The following UBE2G1 variants were observed in gnomAD, a reference collection of about 807,000 sequenced individuals.
The protein encoded by UBE2G1 is ubiquitin-conjugating enzyme E2 G1.
UBE2G1 carries 5 observed loss-of-function variants against 22.7 expected under a neutral mutation model. That is an observed-to-expected ratio of 0.22 (90% CI 0.12 to 0.46). The LOEUF (loss-of-function observed/expected upper bound fraction) is 0.46, where lower values mean the gene tolerates loss of function less well. Ranked by LOEUF, UBE2G1 falls within the 20% of genes least tolerant of loss-of-function variation. UBE2G1 has a pLI of 0.99. For missense variants in UBE2G1, 88 were observed against 203.9 expected, an observed-to-expected ratio of 0.43 and a Z score of 3.46; for synonymous variants, 74 against 67.5, an observed-to-expected ratio of 1.10 and a Z score of -0.47.
At chr17:4,337,485 T>A (rs1969662655) in intron 1 of UBE2G1, among the ~76,000 whole-genome samples, 1 of 151,482 alleles carries the variant, frequency 6.6e-6, no homozygotes, top group South Asian at 2.1e-4. Flanking sequence ...AAACCCTGAC[T>A]CTACTAAAAA....
At chr17:4,363,901 G>A (rs1180623468) in intron 1 of UBE2G1, among the ~76,000 whole-genome samples, 1 of 137,116 alleles carries the variant, frequency 7.3e-6, no homozygotes, top group African/African-American at 2.8e-5. Flanking sequence ...GCAGTGAGCC[G>A]AGATTGCGCC....
At position 4,335,467 on chromosome 17, in the gene UBE2G1, A is replaced by G. The variant is rs535878298; in HGVS notation, c.47-28344T>C. On this transcript the variant is annotated intron_variant, in intron 1 of 5. Coordinates refer to ENST00000396981, the MANE Select transcript of UBE2G1 (RefSeq NM_003342.5). ...AAATTCTGTAACCAGCCAAAACATCACGTTGCTTGTGAAAGCCACTAACAG... is the reference window on the plus strand; with the variant it reads ...AAATTCTGTAACCAGCCAAAACATCGCGTTGCTTGTGAAAGCCACTAACAG... 8 of 152,348 alleles carry G rather than the reference A, an allele frequency of 5.3e-5. No individual in the cohort carries two copies. The South Asian group carries it at 1.7e-3, about 32-fold the overall frequency. 9.4% of individuals were successfully genotyped at this position (152,348 alleles called of 1,614,324 possible). A position where few individuals can be genotyped will look rare whatever the true frequency, so the allele number is the denominator to read the frequency against.
intron 1 of UBE2G1, among the ~76,000 whole-genome samples, chr17:4,347,306 T>G (rs895673148): frequency 6.6e-6 from 1 of 152,028 alleles, no homozygotes; most frequent in Admixed American, 6.6e-5. Flanking sequence ...CAAAATTTAT[T>G]TATGTTTCAT....
chr17:4,358,734 C>T (rs1228876096), intron 1 of UBE2G1, among the ~76,000 whole-genome samples: 1 of 152,082 alleles, frequency 6.6e-6, no homozygotes, highest in Non-Finnish European at 1.5e-5. Context: ...GGTGGATCAC[C>T]TGAGGTCAGG....
chr17:4,300,640 G>A (rs4790607), intron 2 of UBE2G1, among the ~76,000 whole-genome samples: 145,090 of 152,180 alleles, frequency 0.95, 69,591 homozygotes, highest in East Asian at 1. Flanking sequence ...CATCACAGAT[G>A]CTATAGTATA....
chr17:4,361,868 C>T (rs959902260), intron 1 of UBE2G1, among the ~76,000 whole-genome samples: 1 of 148,124 alleles, frequency 6.8e-6, no homozygotes, highest in Non-Finnish European at 1.5e-5. Context: ...CTTGAACCCG[C>T]GAGGCGGAGG....
chr17:4,346,014 T>C (rs1191531731), intron 1 of UBE2G1, among the ~76,000 whole-genome samples: 1 of 152,270 alleles, frequency 6.6e-6, no homozygotes, highest in South Asian at 2.1e-4. Context: ...GGATTACTAA[T>C]AGGATTCTAG....
At chr17:4,307,248 C>T in intron 1 of UBE2G1, 125 bp from the exon 2 acceptor site, 2 of 789,966 alleles carry the variant, frequency 2.5e-6, no homozygotes, top group Non-Finnish European at 4.0e-6. Context: ...TATACCTTGC[C>T]AGGCAAAATG....
intron 1 of UBE2G1, among the ~76,000 whole-genome samples, chr17:4,327,102 C>G (rs1969511353): frequency 6.6e-6 from 1 of 152,022 alleles, no homozygotes; most frequent in South Asian, 2.1e-4. Context: ...TCGAGGCCAG[C>G]CTGACCAACA....
chr17:4,308,019 A>T (rs1969267061), intron 1 of UBE2G1, among the ~76,000 whole-genome samples: 1 of 152,168 alleles, frequency 6.6e-6, no homozygotes, highest in Non-Finnish European at 1.5e-5. Context: ...AAACAACTTT[A>T]ATGAGGTATA....
At chr17:4,358,149 G>A (rs1969928300) in intron 1 of UBE2G1, among the ~76,000 whole-genome samples, 1 of 152,158 alleles carries the variant, frequency 6.6e-6, no homozygotes, top group South Asian at 2.1e-4. Context: ...TAACAGGTAA[G>A]TAGTGATATC....
intron 1 of UBE2G1, among the ~76,000 whole-genome samples, chr17:4,313,317 T>C (rs1969332396): frequency 6.6e-6 from 1 of 152,140 alleles, no homozygotes; most frequent in South Asian, 2.1e-4. Context: ...GAAAGAATAT[T>C]TGCAAAATAG....
At chr17:4,343,967 C>G (rs977154459) in intron 1 of UBE2G1, among the ~76,000 whole-genome samples, 3 of 152,058 alleles carry the variant, frequency 2.0e-5, no homozygotes, top group African/African-American at 7.2e-5. Context: ...ACTCTGGAGA[C>G]TAAAGCTCTG....
chr17:4,277,313 GAAATCATGAGATAAT>G (rs1174900662), intron 5 of UBE2G1, among the ~76,000 whole-genome samples: 1 of 152,186 alleles, frequency 6.6e-6, no homozygotes, highest in Admixed American at 6.5e-5. Context: ...CATGGCCATG[GAAATCATGAGATAAT>G]AAATGTTGTT....
intron 3 of UBE2G1, among the ~76,000 whole-genome samples, chr17:4,290,720 AT>A (rs1244368579): frequency 2.2e-5 from 3 of 139,506 alleles, no homozygotes; most frequent in Non-Finnish European, 4.6e-5. Flanking sequence ...GGCTCTAGTG[AT>A]CCTCCCACCT....
intron 2 of UBE2G1, chr17:4,301,699 G>T (rs1969182049): frequency 1.4e-6 from 1 of 695,688 alleles, no homozygotes; most frequent in South Asian, 1.4e-5. Flanking sequence ...ATGTTTTTTG[G>T]CTGATGGAAT....
chr17:4,322,404 C>A (rs1290959855), intron 1 of UBE2G1, among the ~76,000 whole-genome samples: 1 of 152,220 alleles, frequency 6.6e-6, no homozygotes, highest in African/African-American at 2.4e-5. Flanking sequence ...TCCTCAAACT[C>A]TTCCCTAAGA....
At position 4,311,020 on chromosome 17, in the gene UBE2G1, G is replaced by A. The variant is rs149710983; in HGVS notation, c.47-3897C>T. Among the ~76,000 whole-genome samples the A allele has an allele frequency of 2.6e-5, 4 of 152,138 alleles. No individual in the cohort carries two copies. In the East Asian group the frequency reaches 7.7e-4, roughly 29 times the overall value. On this transcript the variant is annotated intron_variant, in intron 1 of 5. Coordinates refer to ENST00000396981, the MANE Select transcript of UBE2G1 (RefSeq NM_003342.5). ...GAGCCCAGGAGTTTGATGCCAGCCT[G>A]GGCAACATGGCAAACCCCTGTCTCT...
At chr17:4,303,641 A>G (rs1373331497) in intron 2 of UBE2G1, among the ~76,000 whole-genome samples, 3 of 152,224 alleles carry the variant, frequency 2.0e-5, no homozygotes, top group Non-Finnish European at 4.4e-5. Flanking sequence ...CAATGTAGGC[A>G]CTAGGTTCAT....
Sources: gnomAD v4.1 joint callset for allele counts (sites outside exome capture counted in the v4.1 genomes callset) on GRCh38, gnomAD v4.1.1 for gene constraint, MANE v1.5 for transcripts, NCBI Gene and HGNC (gene_info 2026-07-23, HGNC 2026-07-21) for gene names.